IFNGR2: variants seen among roughly 807,000 people sequenced by gnomAD.
The protein encoded by IFNGR2 is IFN-gamma receptor 2.
Under a neutral mutation model 41.1 loss-of-function variants are expected in IFNGR2, and 15 were observed. The observed-to-expected ratio is 0.37, with a 90% confidence interval of 0.24 to 0.56. The LOEUF (loss-of-function observed/expected upper bound fraction) is 0.56, where lower values mean the gene tolerates loss of function less well. Ranked by LOEUF, IFNGR2 falls within the 20% of genes least tolerant of loss-of-function variation. IFNGR2 has a pLI of 0.81. For synonymous variants in IFNGR2, 161 were observed against 171.6 expected (o/e 0.94, Z 0.48); for missense variants, 362 against 415.7 (o/e 0.87, Z 1.12).
At chr21:33,421,225 G>A (rs191558817) in intron 2 of IFNGR2, among the ~76,000 whole-genome samples, 51 of 151,716 alleles carry the variant, frequency 3.4e-4, no homozygotes, top group African/African-American at 1.1e-3. Context: ...CCAGCTACTC[G>A]GGAGGCTGAG....
intron 6 of IFNGR2, among the ~76,000 whole-genome samples, chr21:33,434,850 T>C (rs1380040866): frequency 1.3e-5 from 2 of 152,158 alleles, no homozygotes; most frequent in Non-Finnish European, 2.9e-5. Context: ...TCTCTCCTGG[T>C]AGAACTACCA....
intron 4 of IFNGR2, among the ~76,000 whole-genome samples, chr21:33,428,014 A>G (rs1187342885): frequency 1.3e-5 from 2 of 151,804 alleles, no homozygotes; most frequent in Non-Finnish European, 2.9e-5. Flanking sequence ...TACAGGCATG[A>G]GCCACCGTGC....
chr21:33,434,481 C>T (rs1459647417), intron 6 of IFNGR2, among the ~76,000 whole-genome samples: 2 of 152,136 alleles, frequency 1.3e-5, no homozygotes, highest in African/African-American at 2.4e-5. Context: ...AATATCGCAC[C>T]ATAGCACTTT....
chr21:33,427,841 C>CTTTTTTTTTTTTTTT (rs2083851840), intron 4 of IFNGR2, among the ~76,000 whole-genome samples: 1 of 116,920 alleles, frequency 8.6e-6, no homozygotes, highest in Admixed American at 9.3e-5. Context: ...CATCTCATTT[C>CTTTTTTTTTTTTTTT]ATCTTTTTTT....
chr21:33,403,670 G>T, intron 1 of IFNGR2, 54 bp downstream of exon 1: 1 of 1,217,724 alleles, frequency 8.2e-7, no homozygotes, highest in East Asian at 3.3e-5. Context: ...GCAGCATGTG[G>T]GGGCTGGGGG....
intron 1 of IFNGR2, among the ~76,000 whole-genome samples, chr21:33,408,941 G>T (rs2083696880): frequency 6.6e-6 from 1 of 152,186 alleles, no homozygotes; most frequent in Non-Finnish European, 1.5e-5. Context: ...CACTTTGGGA[G>T]GCCGAGGCAG....
intron 6 of IFNGR2, among the ~76,000 whole-genome samples, chr21:33,433,807 C>G (rs2083915717): frequency 6.7e-6 from 1 of 150,122 alleles, no homozygotes; most frequent in African/African-American, 2.5e-5. Flanking sequence ...TTTTTAATGG[C>G]ATGGGGTTGG....
At chr21:33,430,944 A>G (rs886508396) in intron 4 of IFNGR2, among the ~76,000 whole-genome samples, 1 of 152,200 alleles carries the variant, frequency 6.6e-6, no homozygotes, top group Non-Finnish European at 1.5e-5. Flanking sequence ...CTATACTGCC[A>G]TAATAGGGTA....
chr21:33,428,465 C>T (rs962086027), intron 4 of IFNGR2, among the ~76,000 whole-genome samples: 4 of 151,666 alleles, frequency 2.6e-5, no homozygotes, highest in South Asian at 2.1e-4. Context: ...TGGTCTCAAG[C>T]GATCTGCCCA....
intron 4 of IFNGR2, 92 bp from the exon 5 acceptor site, chr21:33,432,085 G>A (rs756388277): frequency 1.1e-5 from 13 of 1,152,210 alleles, no homozygotes; most frequent in African/African-American, 4.5e-5. Flanking sequence ...TTTGGTTGTC[G>A]TGTTCACAGT....
intron 1 of IFNGR2, among the ~76,000 whole-genome samples, chr21:33,411,100 G>A (rs1212016655): frequency 2.0e-5 from 3 of 152,254 alleles, no homozygotes; most frequent in African/African-American, 7.2e-5. Context: ...TCCCTGTGGC[G>A]TCTGCAGTTC....
At chr21:33,406,010 C>T (rs1195037132) in intron 1 of IFNGR2, among the ~76,000 whole-genome samples, 1 of 149,542 alleles carries the variant, frequency 6.7e-6, no homozygotes, top group Non-Finnish European at 1.5e-5. Context: ...GCCTGGGCGA[C>T]AAGAGCAAGA....
chr21:33,427,204 C>T lies in IFNGR2; in HGVS notation c.561+172C>T, dbSNP rs528409744. 5.3e-5 allele frequency among the ~76,000 whole-genome samples: 8 copies of T among 152,280 alleles called. No homozygotes were observed. The South Asian group carries it at 1.7e-3, about 32-fold the overall frequency. On this transcript the variant is annotated intron_variant, in intron 4 of 6. Coordinates refer to ENST00000290219, the MANE Select transcript of IFNGR2 (RefSeq NM_005534.4). ...TTGTCCTCTTCAAGACCTGTTTTTCCACTCGGTTTGCTGAGACCTCCCTCC... is the reference window on the plus strand; with the variant it reads ...TTGTCCTCTTCAAGACCTGTTTTTCTACTCGGTTTGCTGAGACCTCCCTCC...
chr21:33,430,212 TCAAAGGGCA>T (rs1228956805), intron 4 of IFNGR2, among the ~76,000 whole-genome samples: 1 of 152,194 alleles, frequency 6.6e-6, no homozygotes, highest in East Asian at 1.9e-4. Context: ...ATCAGGCCCT[TCAAAGGGCA>T]TTAGTGTTAG....
chr21:33,432,778 G>A lies in IFNGR2; in HGVS notation c.786G>A (p.Leu262=). The A allele has an allele frequency of 6.2e-7, 1 of 1,614,054 alleles. No individual in the cohort carries two copies. The highest frequency in any genetic ancestry group is 8.5e-7 in the Non-Finnish European group (1 of 1,179,956). Reference sequence around the variant, plus strand: ...GAACATTTTCGTTGCTGTCGGTGCTGGCAGGAGCCTGTTTCTTCCTGGTCC... The same window carrying A: ...GAACATTTTCGTTGCTGTCGGTGCTAGCAGGAGCCTGTTTCTTCCTGGTCC... ...SVGTFSLLSV[L]AGACFFLVLK... Residue 262 remains leucine, a synonymous_variant, in exon 6 of 7, where the codon CTG becomes CTA. Coordinates refer to ENST00000290219, the MANE Select transcript of IFNGR2 (RefSeq NM_005534.4).
intron 1 of IFNGR2, among the ~76,000 whole-genome samples, chr21:33,407,306 G>A (rs187512416): frequency 7.2e-5 from 11 of 152,048 alleles, no homozygotes; most frequent in Admixed American, 5.2e-4. Flanking sequence ...TAAGTCCCCA[G>A]CAACTTAAAA....
Position 33,437,028 on chromosome 21 carries a change from C to A in IFNGR2, c.*66C>A, listed in dbSNP as rs2083962172. On this transcript the variant is annotated 3_prime_UTR_variant, in exon 7 of 7. Coordinates refer to ENST00000290219, the MANE Select transcript of IFNGR2 (RefSeq NM_005534.4). ...TCAAGCCATCGGAGCTGCTAGAGTT[C>A]TGTCTGGACTTTCCAGAGACCAGTA... 2 of 1,556,834 alleles carry A rather than the reference C, an allele frequency of 1.3e-6. No individual in the cohort carries two copies. Among genetic ancestry groups the A allele is most frequent in the African/African-American group, 1.4e-5 (1 of 73,694 alleles).
chr21:33,432,344 ATACCTTCT>A lies in IFNGR2; in HGVS notation c.721+11_721+18del, dbSNP rs1243631471. 2 of 1,609,204 alleles carry A rather than the reference ATACCTTCT, an allele frequency of 1.2e-6. No homozygotes were observed. Among genetic ancestry groups the A allele is most frequent in the African/African-American group, 2.7e-5 (2 of 74,828 alleles). ...ACGAAACAATGGCAGATGGTAAAAT[ATACCTTCT>A]TATGTCCTTTCTGAACTGGGAAAAG... is the stretch of plus-strand genomic sequence containing the variant. On this transcript the variant is annotated intron_variant, in intron 5 of 6. Transcript: ENST00000290219.
chr21:33,411,253 C>T (rs1421798985), intron 1 of IFNGR2, among the ~76,000 whole-genome samples: 1 of 152,210 alleles, frequency 6.6e-6, no homozygotes, highest in African/African-American at 2.4e-5. Context: ...CATGGGAACC[C>T]CGACTTATAC....
Sources: allele counts gnomAD v4.1 joint callset (sites outside exome capture counted in the v4.1 genomes callset), GRCh38; gene constraint gnomAD v4.1.1; transcripts MANE v1.5; gene names NCBI Gene and HGNC (gene_info 2026-07-23, HGNC 2026-07-21).